The following CMIP variants were observed in gnomAD, a reference collection of about 807,000 sequenced individuals.
CMIP encodes the protein c-Maf inducing protein.
A neutral mutation model predicts 97.3 loss-of-function variants in CMIP; 13 were observed. That is an observed-to-expected ratio of 0.13 (90% confidence interval 0.09 to 0.21). The LOEUF (loss-of-function observed/expected upper bound fraction) is 0.21, where lower values mean the gene tolerates loss of function less well. CMIP is among the 10% of genes least tolerant of loss of function. The pLI is 1.00. For synonymous variants in CMIP, 538 were observed against 436.3 expected, an observed-to-expected ratio of 1.23 and a Z score of -2.91; for missense variants, 847 against 1,024.9, an observed-to-expected ratio of 0.83 and a Z score of 2.37.
intron 3 of CMIP, among the ~76,000 whole-genome samples, chr16:81,623,926 G>T (rs1026742724): frequency 6.6e-6 from 1 of 152,094 alleles, no homozygotes; most frequent in Non-Finnish European, 1.5e-5. Flanking sequence ...TTTCAATCCA[G>T]ATCTGTGGGG....
At chr16:81,524,461 G>A (rs113735393) in intron 1 of CMIP, among the ~76,000 whole-genome samples, 3,095 of 152,330 alleles carry the variant, frequency 0.02, 32 homozygotes, top group Non-Finnish European at 0.032. Flanking sequence ...CATCTGTAAC[G>A]TGTTAGCCAC....
intron 2 of CMIP, among the ~76,000 whole-genome samples, chr16:81,615,628 A>G (rs1397690480): frequency 7.9e-6 from 1 of 126,192 alleles, no homozygotes; most frequent in Non-Finnish European, 1.7e-5. Flanking sequence ...GTGTGTGTGT[A>G]TGTGTAACTG....
intron 13 of CMIP, chr16:81,695,554 G>T (rs80030798): frequency 0.013 from 1,961 of 152,348 alleles, 19 homozygotes; most frequent in Non-Finnish European, 0.021. Context: ...TTCTTCGGAG[G>T]ACAGGAGGAG....
intron 1 of CMIP, among the ~76,000 whole-genome samples, chr16:81,504,212 A>G (rs1567548087): frequency 6.6e-6 from 1 of 151,922 alleles, no homozygotes; most frequent in Non-Finnish European, 1.5e-5. Flanking sequence ...AGTAATCCCA[A>G]GTACTTGGGA....
chr16:81,496,819 C>T (rs1485142629), intron 1 of CMIP, among the ~76,000 whole-genome samples: 1 of 152,252 alleles, frequency 6.6e-6, no homozygotes, highest in East Asian at 1.9e-4. Flanking sequence ...CAGAGTCTTA[C>T]ATTCTGTGAA....
chr16:81,685,268 G>T (rs1246511365), intron 10 of CMIP, among the ~76,000 whole-genome samples: 1 of 152,190 alleles, frequency 6.6e-6, no homozygotes, highest in East Asian at 1.9e-4. Context: ...GGAGCCCCAG[G>T]CTGGGAGACC....
chr16:81,477,533 C>G (rs893604778), intron 1 of CMIP, among the ~76,000 whole-genome samples: 3 of 152,252 alleles, frequency 2.0e-5, no homozygotes, highest in African/African-American at 7.2e-5. Context: ...CCACTGAAGG[C>G]AATGGCTGCC....
chr16:81,564,865 A>T (rs747605904), intron 1 of CMIP, among the ~76,000 whole-genome samples: 41 of 152,182 alleles, frequency 2.7e-4, no homozygotes, highest in Non-Finnish European at 5.9e-4. Flanking sequence ...CAGAGAATGA[A>T]TTCGCAGAGG....
chr16:81,523,016 T>G (rs1236683193), intron 1 of CMIP, among the ~76,000 whole-genome samples: 2 of 152,162 alleles, frequency 1.3e-5, no homozygotes, highest in Admixed American at 1.3e-4. Context: ...AGCTTTGACC[T>G]CTGAGGCTCA....
intron 20 of CMIP, among the ~76,000 whole-genome samples, chr16:81,708,731 C>A (rs533664881): frequency 5.9e-5 from 9 of 152,296 alleles, no homozygotes; most frequent in African/African-American, 2.2e-4. Flanking sequence ...AATCTAGATT[C>A]GTCTGTGAAG....
At chr16:81,560,665 C>T (rs2090865080) in intron 1 of CMIP, among the ~76,000 whole-genome samples, 1 of 152,186 alleles carries the variant, frequency 6.6e-6, no homozygotes, top group African/African-American at 2.4e-5. Flanking sequence ...CCTGTAAGCT[C>T]CATTCATGGT....
intron 1 of CMIP, among the ~76,000 whole-genome samples, chr16:81,469,813 G>A (rs919655572): frequency 6.6e-6 from 1 of 152,206 alleles, no homozygotes; most frequent in South Asian, 2.1e-4. Context: ...CCAGGCTGCC[G>A]TGGGAGTATC....
chr16:81,500,256 G>T (rs796865114), intron 1 of CMIP, among the ~76,000 whole-genome samples: 16 of 109,606 alleles, frequency 1.5e-4, no homozygotes, highest in East Asian at 3.9e-4. Context: ...CCTTCCTTCC[G>T]TCCTTCCTTC....
At chr16:81,495,556 G>T in intron 1 of CMIP, 1 of 1,544,252 alleles carries the variant, frequency 6.5e-7, no homozygotes, top group South Asian at 1.2e-5. Flanking sequence ...AACCTCGCCT[G>T]CTGCTGCTGG....
intron 1 of CMIP, among the ~76,000 whole-genome samples, chr16:81,554,032 C>T (rs2150861551): frequency 6.6e-6 from 1 of 152,314 alleles, no homozygotes; most frequent in South Asian, 2.1e-4. Flanking sequence ...GCGAGGCTGC[C>T]CTGTGGTGGG....
intron 6 of CMIP, among the ~76,000 whole-genome samples, chr16:81,663,570 A>G (rs1202952517): frequency 1.3e-5 from 2 of 152,198 alleles, no homozygotes; most frequent in Non-Finnish European, 2.9e-5. Context: ...GACATTAGAC[A>G]TTTGTCTAAA....
chr16:81,682,866 C>CTTT (rs879453940), intron 10 of CMIP, among the ~76,000 whole-genome samples: 5 of 152,196 alleles, frequency 3.3e-5, no homozygotes, highest in Non-Finnish European at 7.3e-5. Flanking sequence ...AAAAGGAAAA[C>CTTT]TATTCCAAAT....
At chr16:81,673,444 A>T (rs1000696085) in intron 9 of CMIP, among the ~76,000 whole-genome samples, 1 of 152,146 alleles carries the variant, frequency 6.6e-6, no homozygotes, top group Non-Finnish European at 1.5e-5. Context: ...TGAACCTGGG[A>T]GGCAGAGGTT....
intron 2 of CMIP, among the ~76,000 whole-genome samples, chr16:81,615,450 G>T (rs1287833542): frequency 6.9e-6 from 1 of 145,104 alleles, no homozygotes; most frequent in Non-Finnish European, 1.5e-5. Flanking sequence ...TAACTGTATG[G>T]TGTGTGTGTG....
Sources: allele counts gnomAD v4.1 joint callset (sites outside exome capture counted in the v4.1 genomes callset), GRCh38; gene constraint gnomAD v4.1.1; transcripts MANE v1.5; gene names NCBI Gene and HGNC (gene_info 2026-07-23, HGNC 2026-07-21).